CRIM1: variants seen among roughly 807,000 people sequenced by gnomAD.
CRIM1 encodes the protein cysteine-rich motor neuron 1 protein.
In CRIM1, 32 loss-of-function variants were observed where a neutral mutation model predicts 116.4. That is an observed-to-expected ratio of 0.27 (90% confidence interval 0.21 to 0.37). The LOEUF is 0.37. Ranked by LOEUF, CRIM1 falls within the 10% of genes least tolerant of loss-of-function variation. CRIM1 has a pLI of 1.00. For missense variants in CRIM1, 1,331 were observed against 1,354.8 expected (o/e 0.98, Z 0.28); for synonymous variants, 590 against 509.2 (o/e 1.16, Z -2.13).
At chr2:36,372,549 C>T in intron 1 of CRIM1, among the ~76,000 whole-genome samples, 1 of 152,054 alleles carries the variant, frequency 6.6e-6, no homozygotes. Context: ...GAGTTTTGGC[C>T]AAGATAAAGT....
At chr2:36,377,354 A>G (rs544224830) in intron 1 of CRIM1, among the ~76,000 whole-genome samples, 2 of 152,254 alleles carry the variant, frequency 1.3e-5, no homozygotes, top group African/African-American at 4.8e-5. Context: ...TGCCCAGTAG[A>G]AATGACTTCC....
At chr2:36,519,767 G>A (rs1398113960) in intron 12 of CRIM1, among the ~76,000 whole-genome samples, 2 of 152,158 alleles carry the variant, frequency 1.3e-5, no homozygotes, top group Admixed American at 6.5e-5. Context: ...GAGGAAATGA[G>A]GAAAGATTGC....
At chr2:36,512,424 C>A in intron 10 of CRIM1, 30 bp downstream of exon 10, 1 of 1,576,104 alleles carries the variant, frequency 6.3e-7, no homozygotes. Flanking sequence ...CCTTCCCCCT[C>A]AAAGCAGCCA....
At chr2:36,544,239 T>A in intron 14 of CRIM1, 137 bp from the exon 15 acceptor site, 2 of 645,840 alleles carry the variant, frequency 3.1e-6, no homozygotes, top group Non-Finnish European at 4.6e-6. Context: ...TGATGAATGA[T>A]GTAAATGGCA....
At chr2:36,457,533 G>A (rs752432575) in intron 4 of CRIM1, among the ~76,000 whole-genome samples, 17 of 152,174 alleles carry the variant, frequency 1.1e-4, no homozygotes, top group Non-Finnish European at 2.2e-4. Flanking sequence ...GTTAGGGGGT[G>A]TAAATGCCAG....
intron 7 of CRIM1, among the ~76,000 whole-genome samples, chr2:36,495,471 A>ATTTTTTT (rs1395233806): frequency 7.5e-6 from 1 of 134,128 alleles, no homozygotes; most frequent in Non-Finnish European, 1.6e-5. Flanking sequence ...TTATTTATTT[A>ATTTTTTT]TTTATTTTTT....
At chr2:36,388,442 T>C (rs915255635) in intron 1 of CRIM1, among the ~76,000 whole-genome samples, 3 of 152,216 alleles carry the variant, frequency 2.0e-5, no homozygotes, top group Admixed American at 1.3e-4. Flanking sequence ...CAATAAATTG[T>C]TAGCATTGTA....
intron 9 of CRIM1, among the ~76,000 whole-genome samples, chr2:36,511,238 G>A (rs778427001): frequency 2.6e-5 from 4 of 152,118 alleles, no homozygotes; most frequent in African/African-American, 7.2e-5. Flanking sequence ...ACTGTGCCTG[G>A]CCTAGTGCTA....
rs781331292 is a variant in CRIM1 at position 36,367,068 on chromosome 2, T to C, written c.331+10445T>C. Among the ~76,000 whole-genome samples the C allele has an allele frequency of 3.3e-5, 5 of 152,304 alleles. No homozygotes were observed. The South Asian group carries it at 8.3e-4, about 25-fold the overall frequency. ...GGAGCTTTGCTTTTTTTGAAAAGTA[T>C]GGGCTTTTACAGTCTGAGTGAGGAA... is the stretch of plus-strand genomic sequence containing the variant. On this transcript the variant is annotated intron_variant, in intron 1 of 16. Transcript: ENST00000280527.
intron 15 of CRIM1, among the ~76,000 whole-genome samples, chr2:36,544,820 A>ATG (rs1402174095): frequency 1.3e-5 from 2 of 152,202 alleles, no homozygotes; most frequent in African/African-American, 4.8e-5. Flanking sequence ...TCTCAAACGT[A>ATG]TGTATATATA....
intron 13 of CRIM1, chr2:36,529,105 T>C (rs1379207970): frequency 2.1e-6 from 1 of 471,206 alleles, no homozygotes; most frequent in South Asian, 1.5e-5. Flanking sequence ...TGCACTGCTA[T>C]TTCCAGAGAG....
chr2:36,544,271 C>A, intron 14 of CRIM1, 105 bp from the exon 15 acceptor site: 1 of 1,029,356 alleles, frequency 9.7e-7, no homozygotes, highest in Non-Finnish European at 1.3e-6. Context: ...TTTCATGTCC[C>A]AGGAAATGTG....
intron 4 of CRIM1, among the ~76,000 whole-genome samples, chr2:36,447,945 C>T (rs75331834): frequency 8.5e-4 from 129 of 152,338 alleles, no homozygotes; most frequent in African/African-American, 2.8e-3. Context: ...CCTGTGTGCC[C>T]AGCAGCTCTT....
chr2:36,473,094 G>T (rs62136180), intron 5 of CRIM1, among the ~76,000 whole-genome samples: 4,032 of 152,228 alleles, frequency 0.026, 77 homozygotes, highest in Non-Finnish European at 0.04. Context: ...GAAAAAACTG[G>T]TACTAATAAT....
At chr2:36,509,836 A>T (rs115838528) in intron 8 of CRIM1, 147 bp from the exon 9 acceptor site, 1 of 665,598 alleles carries the variant, frequency 1.5e-6, no homozygotes, top group Non-Finnish European at 2.5e-6. Context: ...AGCACAGTCT[A>T]TGCTTTTTAA....
intron 2 of CRIM1, among the ~76,000 whole-genome samples, chr2:36,432,342 T>TA (rs1419524054): frequency 1.3e-5 from 2 of 152,220 alleles, no homozygotes; most frequent in African/African-American, 2.4e-5. Flanking sequence ...AATTCATTGT[T>TA]ACATTTTGAA....
chr2:36,460,632 G>A (rs929070952), intron 4 of CRIM1, among the ~76,000 whole-genome samples: 1 of 152,202 alleles, frequency 6.6e-6, no homozygotes, highest in African/African-American at 2.4e-5. Context: ...TGGCCTTTAT[G>A]AATTCACAGT....
chr2:36,446,673 C>T (rs1376665296), intron 4 of CRIM1, among the ~76,000 whole-genome samples: 1 of 152,160 alleles, frequency 6.6e-6, no homozygotes, highest in African/African-American at 2.4e-5. Context: ...CCAGGCATCC[C>T]GCCGTTTCTT....
chr2:36,380,097 C>G (rs1670628009), intron 1 of CRIM1, among the ~76,000 whole-genome samples: 1 of 152,152 alleles, frequency 6.6e-6, no homozygotes, highest in South Asian at 2.1e-4. Flanking sequence ...CTTATTCCTT[C>G]TCCCCAATCT....
Sources: allele counts gnomAD v4.1 joint callset (sites outside exome capture counted in the v4.1 genomes callset), GRCh38; gene constraint gnomAD v4.1.1; transcripts MANE v1.5; gene names NCBI Gene and HGNC (gene_info 2026-07-23, HGNC 2026-07-21).